Variants in PRICKLE1 observed in about 807,000 individuals in gnomAD.
PRICKLE1 encodes prickle-like protein 1.
PRICKLE1 carries 14 observed loss-of-function variants against 70.2 expected under a neutral mutation model. The ratio of observed to expected loss-of-function variants is 0.20; its 90% confidence interval spans 0.13 to 0.31. The LOEUF (loss-of-function observed/expected upper bound fraction) is 0.31. PRICKLE1 is among the 10% of genes least tolerant of loss of function. The pLI is 1.00. For synonymous variants in PRICKLE1, 357 were observed against 379.9 expected (o/e 0.94, Z 0.70); for missense variants, 821 against 1,026.2 (o/e 0.80, Z 2.73).
At chr12:42,500,197 G>A (rs1939280720) in intron 1 of PRICKLE1, among the ~76,000 whole-genome samples, 1 of 152,288 alleles carries the variant, frequency 6.6e-6, no homozygotes, top group African/African-American at 2.4e-5. Flanking sequence ...CCAAAACATA[G>A]GGGACCCTCC....
intron 1 of PRICKLE1, among the ~76,000 whole-genome samples, chr12:42,546,597 T>C (rs1358942718): frequency 1.3e-5 from 2 of 152,194 alleles, no homozygotes; most frequent in East Asian, 1.9e-4. Flanking sequence ...TTACTAAAAA[T>C]ACAAAAATTA....
At chr12:42,505,758 C>T (rs184771310) in intron 1 of PRICKLE1, among the ~76,000 whole-genome samples, 1 of 152,188 alleles carries the variant, frequency 6.6e-6, no homozygotes, top group East Asian at 1.9e-4. Flanking sequence ...GTTAGTTGTG[C>T]TCCAACAGCA....
intron 1 of PRICKLE1, among the ~76,000 whole-genome samples, chr12:42,501,925 TTG>T (rs1462446131): frequency 6.6e-6 from 1 of 152,220 alleles, no homozygotes; most frequent in Non-Finnish European, 1.5e-5. Flanking sequence ...TTTTCTGTGC[TTG>T]TGAGGAAAAC....
chr12:42,530,817 G>T (rs764682085), intron 1 of PRICKLE1, among the ~76,000 whole-genome samples: 1 of 148,588 alleles, frequency 6.7e-6, no homozygotes, highest in Non-Finnish European at 1.5e-5. Context: ...CTCCCAAGTA[G>T]CTGAGATTAC....
chr12:42,532,619 C>G (rs1332908180), intron 1 of PRICKLE1, among the ~76,000 whole-genome samples: 1 of 152,088 alleles, frequency 6.6e-6, no homozygotes, highest in African/African-American at 2.4e-5. Flanking sequence ...TTGTTCCGGC[C>G]GGGCGCGGTG....
intron 1 of PRICKLE1, among the ~76,000 whole-genome samples, chr12:42,498,391 A>G (rs1256489239): frequency 6.7e-6 from 1 of 148,988 alleles, no homozygotes; most frequent in South Asian, 2.1e-4. Context: ...CTAGCCTGGT[A>G]TCGAACTCCT....
At chr12:42,578,651 A>C (rs1940842804) in intron 1 of PRICKLE1, among the ~76,000 whole-genome samples, 2 of 152,318 alleles carry the variant, frequency 1.3e-5, no homozygotes, top group South Asian at 4.1e-4. Flanking sequence ...AAACCCACAA[A>C]AATGCTCCAA....
chr12:42,510,914 A>G (rs1185901973), intron 1 of PRICKLE1, among the ~76,000 whole-genome samples: 2 of 152,240 alleles, frequency 1.3e-5, no homozygotes, highest in Admixed American at 1.3e-4. Context: ...TCAAAGGGTC[A>G]GTTTCACACC....
At position 42,464,977 on chromosome 12, in the gene PRICKLE1, A is replaced by G. The variant is rs775761309; in HGVS notation, c.1057T>C (p.Ser353Pro). Reference sequence around the variant, plus strand: ...GGAAACTTGTAGTTCAGAGCAGGCGATAAGAGGAGAGACTGTCTACACTGA... The same window carrying G: ...GGAAACTTGTAGTTCAGAGCAGGCGGTAAGAGGAGAGACTGTCTACACTGA... Reference protein sequence around the residue: ...ADQCRQSLLLSPALNYKFPGL... With the variant: ...ADQCRQSLLLPPALNYKFPGL... Residue 353 changes from serine (S) to proline (P), a missense_variant, in exon 7 of 8, where the codon TCG (serine) becomes CCG (proline). Transcript: ENST00000345127. This position sits in a 1 kb window ranked among gnomAD's most constrained non-coding sequence, Gnocchi z 4.2. 1 of 1,614,084 alleles carries G rather than the reference A, an allele frequency of 6.2e-7. No homozygotes were observed. The highest frequency in any genetic ancestry group is 1.1e-5 in the South Asian group (1 of 91,060).
At chr12:42,577,811 A>G (rs979078383) in intron 1 of PRICKLE1, among the ~76,000 whole-genome samples, 1 of 152,228 alleles carries the variant, frequency 6.6e-6, no homozygotes, top group Non-Finnish European at 1.5e-5. Context: ...TTTATGAAAC[A>G]ATAAAATATC....
At chr12:42,587,323 T>C (rs1039133036) in intron 1 of PRICKLE1, among the ~76,000 whole-genome samples, 4 of 152,132 alleles carry the variant, frequency 2.6e-5, no homozygotes, top group South Asian at 4.1e-4. Flanking sequence ...CCTTCCTTTT[T>C]CCCTCCCTCT....
intron 1 of PRICKLE1, among the ~76,000 whole-genome samples, chr12:42,497,729 C>T (rs56315383): frequency 0.14 from 21,251 of 152,032 alleles, 1,515 homozygotes; most frequent in Middle Eastern, 0.19. Flanking sequence ...CACAGAGACA[C>T]GAAGTGAGCA....
At chr12:42,575,979 A>G (rs1260917899) in intron 1 of PRICKLE1, among the ~76,000 whole-genome samples, 3 of 152,150 alleles carry the variant, frequency 2.0e-5, no homozygotes, top group African/African-American at 7.2e-5. Flanking sequence ...TTACAACAAC[A>G]TATTGCCAGT....
chr12:42,507,561 TCA>T (rs1449693439), intron 1 of PRICKLE1, among the ~76,000 whole-genome samples: 1 of 152,256 alleles, frequency 6.6e-6, no homozygotes, highest in Non-Finnish European at 1.5e-5. Flanking sequence ...TTTCACTTGC[TCA>T]GTCTTCTGAT....
chr12:42,461,577 C>A (rs1224695975), intron 7 of PRICKLE1, among the ~76,000 whole-genome samples: 2 of 152,164 alleles, frequency 1.3e-5, no homozygotes, highest in African/African-American at 4.8e-5. Context: ...GCTATCGAGC[C>A]CATTATAGAA....
At chr12:42,488,080 T>G (rs749544456) in intron 1 of PRICKLE1, among the ~76,000 whole-genome samples, 1 of 152,040 alleles carries the variant, frequency 6.6e-6, no homozygotes, top group Non-Finnish European at 1.5e-5. Context: ...CATCTCGATA[T>G]AGAAACAGAA....
intron 1 of PRICKLE1, among the ~76,000 whole-genome samples, chr12:42,572,847 T>C (rs1940741530): frequency 6.6e-6 from 1 of 152,070 alleles, no homozygotes; most frequent in African/African-American, 2.4e-5. Flanking sequence ...AAAATTTTAA[T>C]AAAATCATAC....
At chr12:42,570,997 A>C (rs559095245) in intron 1 of PRICKLE1, among the ~76,000 whole-genome samples, 1 of 152,352 alleles carries the variant, frequency 6.6e-6, no homozygotes, top group African/African-American at 2.4e-5. Context: ...ATTAATGTCA[A>C]CAATAACTCA....
Position 42,459,515 on chromosome 12 carries a change from T to G in PRICKLE1, c.*294A>C. 1 of 628,850 alleles carries G rather than the reference T, an allele frequency of 1.6e-6. No individual in the cohort carries two copies. The highest frequency in any genetic ancestry group is 2.6e-5 in the Admixed American group (1 of 37,852). The allele number at this position is 628,850 out of a possible 1,614,324, so 39.0% of individuals were successfully genotyped here. On this transcript the variant is annotated 3_prime_UTR_variant, in exon 8 of 8. Transcript: ENST00000345127. ...AACATCCAATCCCCTTCAGTCAGCATCTTCAGTATTCCCTTGAGGACTGGA... is the reference window on the plus strand; with the variant it reads ...AACATCCAATCCCCTTCAGTCAGCAGCTTCAGTATTCCCTTGAGGACTGGA...
Sources: gnomAD v4.1 joint callset for allele counts (sites outside exome capture counted in the v4.1 genomes callset) on GRCh38, gnomAD v4.1.1 for gene constraint, Gnocchi (gnomAD v3.1) non-coding constraint, MANE v1.5 for transcripts, NCBI Gene and HGNC (gene_info 2026-07-23, HGNC 2026-07-21) for gene names.